PALM2AKAP2: variants seen among roughly 807,000 people sequenced by gnomAD.
PALM2AKAP2 encodes PALM2 and AKAP2 fusion.
A neutral mutation model predicts 71.5 loss-of-function variants in PALM2AKAP2; 37 were observed. The ratio of observed to expected loss-of-function variants is 0.52; its 90% confidence interval spans 0.40 to 0.68. The LOEUF (loss-of-function observed/expected upper bound fraction) is 0.68, where lower values mean the gene tolerates loss of function less well. Ranked by LOEUF, PALM2AKAP2 falls within the 30% of genes least tolerant of loss-of-function variation. The pLI is 0.00. For missense variants in PALM2AKAP2, 1,224 were observed against 1,191.8 expected (o/e 1.03, Z -0.40); for synonymous variants, 468 against 478.8 (o/e 0.98, Z 0.29).
upstream of PALM2AKAP2, among the ~76,000 whole-genome samples, chr9:109,780,140 G>A (rs1407192220): frequency 2.0e-5 from 3 of 151,024 alleles, no homozygotes; most frequent in Non-Finnish European, 4.4e-5. Flanking sequence ...GCGAGGCACC[G>A]AGACGTCAGG....
intron 1 of PALM2AKAP2, among the ~76,000 whole-genome samples, chr9:109,723,357 G>C (rs1448318916): frequency 2.0e-5 from 3 of 152,126 alleles, no homozygotes; most frequent in Non-Finnish European, 2.9e-5. Flanking sequence ...TGATCATGCT[G>C]TGTCCCCCCA....
At chr9:110,138,188 C>T (rs1451672885) in exon 2 of PALM2AKAP2, 1 of 1,614,024 alleles carries the variant, frequency 6.2e-7, no homozygotes, top group Non-Finnish European at 8.5e-7. Context: ...AGACAGGGCG[C>T]TCAGGGAAAG....
At chr9:109,989,522 T>A (rs1832438644) in intron 6 of PALM2AKAP2, among the ~76,000 whole-genome samples, 2 of 152,194 alleles carry the variant, frequency 1.3e-5, no homozygotes, top group East Asian at 3.8e-4. Flanking sequence ...GTCACATTCT[T>A]CAGAGTGATG....
chr9:109,896,972 T>A (rs763241117), intron 3 of PALM2AKAP2, among the ~76,000 whole-genome samples: 3 of 152,170 alleles, frequency 2.0e-5, no homozygotes, highest in African/African-American at 7.2e-5. Context: ...AGTTTCAAGT[T>A]TTTTTTTGCC....
chr9:109,644,278 A>C (rs891900224), intron 1 of PALM2AKAP2, among the ~76,000 whole-genome samples: 1 of 152,018 alleles, frequency 6.6e-6, no homozygotes, highest in Non-Finnish European at 1.5e-5. Context: ...CCTTGTGCCA[A>C]ATACTGCCCC....
At chr9:110,030,233 C>G (rs1833256690) in intron 7 of PALM2AKAP2, among the ~76,000 whole-genome samples, 1 of 152,184 alleles carries the variant, frequency 6.6e-6, no homozygotes, top group Non-Finnish European at 1.5e-5. Context: ...ATGATTTTTA[C>G]TTGAAGAACC....
intron 6 of PALM2AKAP2, among the ~76,000 whole-genome samples, chr9:110,012,239 G>A (rs553218497): frequency 9.2e-5 from 14 of 152,228 alleles, no homozygotes; most frequent in African/African-American, 3.4e-4. Context: ...GTTTCAGTGA[G>A]CCGAGATAGT....
upstream of PALM2AKAP2, among the ~76,000 whole-genome samples, chr9:109,777,444 C>T (rs895495845): frequency 5.9e-5 from 9 of 152,196 alleles, no homozygotes; most frequent in Non-Finnish European, 1.3e-4. Flanking sequence ...ACCTAAAAAC[C>T]CTTTCCACTA....
At chr9:109,842,880 C>T (rs1828739276) in intron 1 of PALM2AKAP2, among the ~76,000 whole-genome samples, 1 of 152,044 alleles carries the variant, frequency 6.6e-6, no homozygotes, top group Non-Finnish European at 1.5e-5. Flanking sequence ...GTGGCTCACG[C>T]CTGTAATCCC....
upstream of PALM2AKAP2, among the ~76,000 whole-genome samples, chr9:110,046,659 G>A (rs536526498): frequency 7.5e-4 from 114 of 152,098 alleles, no homozygotes; most frequent in Non-Finnish European, 1.2e-3. Flanking sequence ...GTAGAGACGA[G>A]GTTTCTCTAT....
chr9:109,935,935 A>C (rs772050454), intron 6 of PALM2AKAP2, among the ~76,000 whole-genome samples: 7 of 152,208 alleles, frequency 4.6e-5, no homozygotes, highest in Non-Finnish European at 1.0e-4. Flanking sequence ...TTCTTGACCA[A>C]AAATAGAAGC....
At chr9:109,773,440 A>C (rs1364331412) in intron 1 of PALM2AKAP2, among the ~76,000 whole-genome samples, 1 of 152,162 alleles carries the variant, frequency 6.6e-6, no homozygotes, top group Non-Finnish European at 1.5e-5. Context: ...CCTGGCCTGC[A>C]ACACCTTCTA....
chr9:110,133,470 C>T (rs1480812430), intron 1 of PALM2AKAP2, among the ~76,000 whole-genome samples: 1 of 151,888 alleles, frequency 6.6e-6, no homozygotes, highest in East Asian at 1.9e-4. Flanking sequence ...GCAGAATAAC[C>T]TCCCCTCATG....
At chr9:109,648,584 G>A (rs1266220936) in intron 1 of PALM2AKAP2, among the ~76,000 whole-genome samples, 1 of 152,176 alleles carries the variant, frequency 6.6e-6, no homozygotes, top group Non-Finnish European at 1.5e-5. Context: ...ATTTTTGATA[G>A]TGTCATCAGG....
intron 6 of PALM2AKAP2, among the ~76,000 whole-genome samples, chr9:110,003,261 C>G (rs1832715652): frequency 6.6e-6 from 1 of 152,036 alleles, no homozygotes; most frequent in South Asian, 2.1e-4. Flanking sequence ...CAAAGAACAT[C>G]TTTATTTCTG....
intron 5 of PALM2AKAP2, 115 bp downstream of exon 5, chr9:109,925,197 A>C (rs1000092172): frequency 1.3e-6 from 2 of 1,521,382 alleles, no homozygotes; most frequent in Non-Finnish European, 1.8e-6. Flanking sequence ...AGGCATCAGA[A>C]GAAGTAGCAG....
At chr9:110,066,159 A>T (rs1834074872) in intron 1 of PALM2AKAP2, among the ~76,000 whole-genome samples, 1 of 152,212 alleles carries the variant, frequency 6.6e-6, no homozygotes, top group South Asian at 2.1e-4. Context: ...TTTAAGATGT[A>T]TCCTATGAGC....
chr9:110,096,621 A>G (rs10980199), intron 1 of PALM2AKAP2, among the ~76,000 whole-genome samples: 33,913 of 151,952 alleles, frequency 0.22, 5,118 homozygotes, highest in African/African-American at 0.42. Flanking sequence ...CATATGTGGT[A>G]CATGGCAGGT....
chr9:109,895,170 C>G (rs566862339), intron 3 of PALM2AKAP2, among the ~76,000 whole-genome samples: 1 of 152,288 alleles, frequency 6.6e-6, no homozygotes, highest in East Asian at 1.9e-4. Context: ...AATCTTAGCC[C>G]ATGACAGGGA....
Sources: allele counts gnomAD v4.1 joint callset (sites outside exome capture counted in the v4.1 genomes callset), GRCh38; gene constraint gnomAD v4.1.1; transcripts MANE v1.5; gene names NCBI Gene and HGNC (gene_info 2026-07-23, HGNC 2026-07-21).